Variants in C12orf42 observed in about 807,000 individuals in gnomAD.
C12orf42 encodes the protein chromosome 12 open reading frame 42, also known as uncharacterized protein C12orf42.
Under a neutral mutation model 21.6 loss-of-function variants are expected in C12orf42, and 25 were observed. The observed-to-expected ratio is 1.16, with a 90% CI of 0.84 to 1.62. The LOEUF is 1.62. C12orf42 is among the 40% of genes most tolerant of loss of function. C12orf42 has a pLI of 0.00. For synonymous variants in C12orf42, 174 were observed against 175.0 expected, an observed-to-expected ratio of 0.99 and a Z score of 0.05; for missense variants, 483 against 459.3, an observed-to-expected ratio of 1.05 and a Z score of -0.47.
chr12:103,242,413 C>T (rs2033793259), intron 10 of C12orf42, among the ~76,000 whole-genome samples: 1 of 152,152 alleles, frequency 6.6e-6, no homozygotes, highest in Non-Finnish European at 1.5e-5. Flanking sequence ...ACTGGTAAGA[C>T]CACATCAATA....
the C12orf42 span, among the ~76,000 whole-genome samples, chr12:103,531,146 A>G: frequency 6.6e-6 from 1 of 152,228 alleles, no homozygotes; most frequent in Admixed American, 6.5e-5. Flanking sequence ...TCTGTAACCC[A>G]GTCCTAAAAT....
At chr12:103,096,704 A>C in the C12orf42 span, among the ~76,000 whole-genome samples, 2 of 152,204 alleles carry the variant, frequency 1.3e-5, no homozygotes, top group Non-Finnish European at 2.9e-5. Flanking sequence ...TTCTTTCAAA[A>C]CATAAGGAAG....
At chr12:103,256,501 G>A (rs1593223359) in intron 10 of C12orf42, among the ~76,000 whole-genome samples, 2 of 151,740 alleles carry the variant, frequency 1.3e-5, no homozygotes, top group African/African-American at 4.8e-5. Context: ...ATGGTGCCAT[G>A]TCTAAAGGTG....
intron 2 of C12orf42, among the ~76,000 whole-genome samples, chr12:103,467,720 A>G (rs1953258733): frequency 6.6e-6 from 1 of 152,210 alleles, no homozygotes; most frequent in African/African-American, 2.4e-5. Context: ...CCATTGCCAT[A>G]AGTAATTTAA....
intron 2 of C12orf42, among the ~76,000 whole-genome samples, chr12:103,463,992 G>T (rs1460550270): frequency 6.6e-6 from 1 of 152,132 alleles, no homozygotes; most frequent in Admixed American, 6.5e-5. Flanking sequence ...TATTTGGGTT[G>T]ATTCCATGTC....
intron 2 of C12orf42, among the ~76,000 whole-genome samples, chr12:103,426,625 C>T (rs1252055944): frequency 6.6e-6 from 1 of 152,144 alleles, no homozygotes; most frequent in African/African-American, 2.4e-5. Context: ...CACAAAGATA[C>T]TCCTCAAGAA....
At chr12:103,206,949 T>C in the C12orf42 span, among the ~76,000 whole-genome samples, 1 of 152,212 alleles carries the variant, frequency 6.6e-6, no homozygotes, top group Admixed American at 6.5e-5. Flanking sequence ...AACTGAGTGC[T>C]GCTAGAGATT....
chr12:103,500,144 A>C (rs1955683141), upstream of C12orf42, among the ~76,000 whole-genome samples: 1 of 152,212 alleles, frequency 6.6e-6, no homozygotes. Flanking sequence ...GAAAAAACAC[A>C]AATTCCTTTG....
At chr12:103,253,178 T>C (rs1228193364) in intron 10 of C12orf42, among the ~76,000 whole-genome samples, 2 of 152,216 alleles carry the variant, frequency 1.3e-5, no homozygotes, top group Middle Eastern at 3.2e-3. Context: ...TCTGTTTTGG[T>C]ACCAATATCA....
the C12orf42 span, among the ~76,000 whole-genome samples, chr12:103,068,875 C>CTCTA: frequency 3.1e-5 from 4 of 128,830 alleles, no homozygotes; most frequent in African/African-American, 5.8e-5. Flanking sequence ...ACTCCTCTCT[C>CTCTA]TATATATATA....
the C12orf42 span, among the ~76,000 whole-genome samples, chr12:103,112,000 CTGA>C: frequency 6.6e-5 from 10 of 152,328 alleles, no homozygotes; most frequent in East Asian, 1.9e-3. Context: ...GCTCCAATTT[CTGA>C]TAAGAGTCTG....
At chr12:103,488,224 TG>T (rs1467669071) in intron 1 of C12orf42, among the ~76,000 whole-genome samples, 24 of 152,322 alleles carry the variant, frequency 1.6e-4, no homozygotes, top group African/African-American at 5.1e-4. Flanking sequence ...AAGCTTAGTT[TG>T]GCTGGATATG....
the C12orf42 span, among the ~76,000 whole-genome samples, chr12:103,523,873 T>C: frequency 2.0e-5 from 3 of 151,616 alleles, no homozygotes; most frequent in African/African-American, 7.3e-5. Context: ...CCCAAGACCA[T>C]AGAGATAAGT....
chr12:103,053,512 T>C, the C12orf42 span, among the ~76,000 whole-genome samples: 1 of 152,008 alleles, frequency 6.6e-6, no homozygotes, highest in East Asian at 1.9e-4. Context: ...CTTTCTCAAA[T>C]ACATGGTTTA....
the C12orf42 span, among the ~76,000 whole-genome samples, chr12:103,171,742 G>A: frequency 9.9e-5 from 15 of 152,176 alleles, no homozygotes; most frequent in South Asian, 3.1e-3. Context: ...CAAAGATTAA[G>A]CCTTGGGGCC....
chr12:103,273,844 G>A (rs1240495900), intron 5 of C12orf42: 1 of 456,332 alleles, frequency 2.2e-6, no homozygotes, highest in East Asian at 7.0e-5. Context: ...GTTTCAGACT[G>A]ATGCACTCAC....
chr12:103,236,702 A>G (rs2033477700), downstream of C12orf42, among the ~76,000 whole-genome samples: 1 of 152,166 alleles, frequency 6.6e-6, no homozygotes, highest in South Asian at 2.1e-4. Flanking sequence ...AGAATTAGCA[A>G]AGTTCTATTG....
chr12:103,470,556 G>C (rs1360163325), intron 2 of C12orf42, among the ~76,000 whole-genome samples: 2 of 152,160 alleles, frequency 1.3e-5, no homozygotes, highest in Non-Finnish European at 2.9e-5. Context: ...TCTTCCCAAT[G>C]AGAGAAAGGA....
the C12orf42 span, among the ~76,000 whole-genome samples, chr12:103,060,642 A>T: frequency 6.6e-6 from 1 of 152,190 alleles, no homozygotes; most frequent in African/African-American, 2.4e-5. Flanking sequence ...AGACCAATGG[A>T]ACAGAACAGA....
Sources: allele counts gnomAD v4.1 joint callset (sites outside exome capture counted in the v4.1 genomes callset), GRCh38; gene constraint gnomAD v4.1.1; transcripts MANE v1.5; gene names NCBI Gene and HGNC (gene_info 2026-07-23, HGNC 2026-07-21).